DOK6: variants seen among roughly 807,000 people sequenced by gnomAD.
DOK6 encodes downstream of tyrosine kinase 6.
In DOK6, 22 loss-of-function variants were observed where a neutral mutation model predicts 44.0. The observed-to-expected ratio is 0.50, with a 90% CI of 0.36 to 0.71. The LOEUF (loss-of-function observed/expected upper bound fraction) is 0.71. DOK6 is among the 30% of genes least tolerant of loss of function. The pLI is 0.00. For synonymous variants in DOK6, 166 were observed against 145.5 expected (o/e 1.14, Z -1.01); for missense variants, 340 against 416.4 (o/e 0.82, Z 1.60).
At chr18:69,791,185 G>T (rs911466480) in intron 7 of DOK6, among the ~76,000 whole-genome samples, 1 of 152,046 alleles carries the variant, frequency 6.6e-6, no homozygotes, top group Non-Finnish European at 1.5e-5. Flanking sequence ...CTAAATCTGG[G>T]TTATTGTCAA....
intron 4 of DOK6, among the ~76,000 whole-genome samples, chr18:69,690,412 C>T (rs753708972): frequency 2.7e-4 from 41 of 152,058 alleles, no homozygotes; most frequent in Non-Finnish European, 5.0e-4. Context: ...TTTGTTTATT[C>T]GTGGTTTAAT....
At chr18:69,426,533 T>C (rs571277988) in intron 1 of DOK6, among the ~76,000 whole-genome samples, 41 of 152,282 alleles carry the variant, frequency 2.7e-4, no homozygotes, top group African/African-American at 9.4e-4. Flanking sequence ...GGGGAAGATA[T>C]AAACGACTAA....
chr18:69,570,912 G>T (rs1231870806), intron 2 of DOK6, among the ~76,000 whole-genome samples: 1 of 152,110 alleles, frequency 6.6e-6, no homozygotes, highest in African/African-American at 2.4e-5. Context: ...TACTCCAAAA[G>T]TGTTGAAAGT....
At chr18:69,558,213 C>A (rs1458352289) in intron 1 of DOK6, among the ~76,000 whole-genome samples, 1 of 152,066 alleles carries the variant, frequency 6.6e-6, no homozygotes, top group Non-Finnish European at 1.5e-5. Flanking sequence ...TAAAGCAGAT[C>A]CTAATGCACT....
intron 4 of DOK6, among the ~76,000 whole-genome samples, chr18:69,696,270 G>T (rs1351379718): frequency 6.6e-6 from 1 of 152,064 alleles, no homozygotes; most frequent in Non-Finnish European, 1.5e-5. Context: ...TGGTCCTTCT[G>T]GGTCCACTGT....
intron 7 of DOK6, among the ~76,000 whole-genome samples, chr18:69,794,581 C>T (rs1980691185): frequency 6.6e-6 from 1 of 152,080 alleles, no homozygotes; most frequent in Non-Finnish European, 1.5e-5. Context: ...GATTCCACTC[C>T]ATCACCATAC....
intron 7 of DOK6, among the ~76,000 whole-genome samples, chr18:69,830,795 T>C (rs989986632): frequency 1.3e-5 from 2 of 152,164 alleles, no homozygotes; most frequent in East Asian, 1.9e-4. Flanking sequence ...AAGTGACCCA[T>C]GTGTTTAAAG....
chr18:69,698,369 T>G, intron 4 of DOK6, 35 bp from the exon 5 acceptor site: 1 of 1,565,700 alleles, frequency 6.4e-7, no homozygotes. Context: ...ACACCTCTTT[T>G]CACTTAACCT....
rs547077172 is a variant in DOK6, at chr18:69,845,655, G to C, written c.*4272G>C. The C allele has an allele frequency of 1.6e-4, 25 of 152,280 alleles. No individual in the cohort carries two copies. Among genetic ancestry groups the C allele is most frequent in the African/African-American group, 6.0e-4 (25 of 41,566 alleles). The allele number at this position is 152,280 out of a possible 1,614,324, so 9.4% of individuals were successfully genotyped here. A position where few individuals can be genotyped will look rare whatever the true frequency, so the allele number is the denominator to read the frequency against. On this transcript the variant is annotated 3_prime_UTR_variant, in exon 8 of 8. Coordinates refer to ENST00000382713, the MANE Select transcript of DOK6 (RefSeq NM_152721.6). Reference sequence around the variant, plus strand: ...GATAAAGAATACAATGAAATGTCCAGAGTAACACTTGGTCTCTACCTTTCT... The same window carrying C: ...GATAAAGAATACAATGAAATGTCCACAGTAACACTTGGTCTCTACCTTTCT...
At chr18:69,512,053 GT>G (rs993250264) in intron 1 of DOK6, among the ~76,000 whole-genome samples, 2 of 152,038 alleles carry the variant, frequency 1.3e-5, no homozygotes, top group African/African-American at 2.4e-5. Context: ...GATTTCAGTT[GT>G]TTTTTCCTGT....
At chr18:69,527,557 G>T (rs1332838775) in intron 1 of DOK6, among the ~76,000 whole-genome samples, 4 of 152,190 alleles carry the variant, frequency 2.6e-5, no homozygotes, top group Non-Finnish European at 5.9e-5. Flanking sequence ...GACACGTGGG[G>T]ATTATGGGAA....
At chr18:69,549,051 G>A (rs568045689) in intron 1 of DOK6, among the ~76,000 whole-genome samples, 6 of 149,500 alleles carry the variant, frequency 4.0e-5, no homozygotes, top group South Asian at 4.3e-4. Context: ...AGCCAAGATC[G>A]CGCCACTGCA....
intron 2 of DOK6, among the ~76,000 whole-genome samples, chr18:69,597,952 A>G (rs750497672): frequency 3.9e-5 from 6 of 152,212 alleles, no homozygotes; most frequent in Admixed American, 6.5e-5. Context: ...AAAATACCTG[A>G]TGACTTGGGT....
At chr18:69,768,033 GTC>G (rs538237987) in intron 7 of DOK6, among the ~76,000 whole-genome samples, 52 of 152,208 alleles carry the variant, frequency 3.4e-4, no homozygotes, top group African/African-American at 1.3e-3. Flanking sequence ...TCTCTGTTCA[GTC>G]TCTATATTTT....
At chr18:69,711,285 C>T (rs898036052) in intron 5 of DOK6, among the ~76,000 whole-genome samples, 1 of 152,162 alleles carries the variant, frequency 6.6e-6, no homozygotes, top group Non-Finnish European at 1.5e-5. Flanking sequence ...CTATGGAATT[C>T]ATTACCTTTG....
chr18:69,444,404 A>G (rs144233838), intron 1 of DOK6, among the ~76,000 whole-genome samples: 1 of 152,144 alleles, frequency 6.6e-6, no homozygotes, highest in Admixed American at 6.6e-5. Context: ...CACCATATGG[A>G]CTTGATTCAA....
chr18:69,679,291 A>T (rs1985994459), intron 4 of DOK6, among the ~76,000 whole-genome samples: 1 of 152,238 alleles, frequency 6.6e-6, no homozygotes, highest in Non-Finnish European at 1.5e-5. Flanking sequence ...TACTAATAAC[A>T]ATACTGTCAA....
intron 7 of DOK6, among the ~76,000 whole-genome samples, chr18:69,823,713 A>G (rs1981645280): frequency 2.6e-5 from 4 of 151,714 alleles, no homozygotes. Flanking sequence ...ATTCTCTTAT[A>G]TCAGCATCTT....
At position 69,483,862 on chromosome 18, in the gene DOK6, C is replaced by T. The variant is rs188884376; in HGVS notation, c.67-80625C>T. 7 of 152,188 alleles carry T rather than the reference C, an allele frequency of 4.6e-5. 1 individual carries two copies. The highest frequency in any genetic ancestry group is 4.6e-4 in the Admixed American group (7 of 15,272). The allele number at this position is 152,188 out of a possible 1,614,324, so 9.4% of individuals were successfully genotyped here. ...TTTTCTCATACTGGTTGTGGCATCT[C>T]CGCTGTTAATTGCTTTCCTTTAGTG... On this transcript the variant is annotated intron_variant, in intron 1 of 7. Transcript: ENST00000382713.
Sources: allele counts gnomAD v4.1 joint callset (sites outside exome capture counted in the v4.1 genomes callset), GRCh38; gene constraint gnomAD v4.1.1; transcripts MANE v1.5; gene names NCBI Gene and HGNC (gene_info 2026-07-23, HGNC 2026-07-21).